ABCC3: variants seen among roughly 807,000 people sequenced by gnomAD.
The protein encoded by ABCC3 is ATP binding cassette subfamily C member 3, also known as ATP-binding cassette sub-family C member 3.
Under a neutral mutation model 165.3 loss-of-function variants are expected in ABCC3, and 121 were observed. The observed-to-expected ratio is 0.73, with a 90% CI of 0.63 to 0.85. The LOEUF (loss-of-function observed/expected upper bound fraction) is 0.85, where lower values mean the gene tolerates loss of function less well. Among genes scored for constraint, ABCC3 ranks in the 40% least tolerant of loss-of-function variants. ABCC3 has a pLI of 0.00. For missense variants in ABCC3, 1,869 were observed against 1,964.1 expected, an observed-to-expected ratio of 0.95 and a Z score of 0.92; for synonymous variants, 733 against 810.1, an observed-to-expected ratio of 0.90 and a Z score of 1.62.
At chr17:50,672,896 C>T (rs1269754970) in intron 17 of ABCC3, 75 bp from the exon 18 acceptor site, 4 of 1,412,978 alleles carry the variant, frequency 2.8e-6, no homozygotes, top group Non-Finnish European at 3.8e-6. Flanking sequence ...TCTGCCATCC[C>T]AAATAACAGT....
intron 1 of ABCC3, among the ~76,000 whole-genome samples, chr17:50,651,709 G>C (rs571929928): frequency 6.6e-6 from 1 of 152,318 alleles, no homozygotes; most frequent in East Asian, 1.9e-4. Flanking sequence ...GTAGGCGATA[G>C]AGACCCTATT....
At chr17:50,668,639 G>T in intron 14 of ABCC3, 122 bp downstream of exon 14, 1 of 841,550 alleles carries the variant, frequency 1.2e-6, no homozygotes, top group South Asian at 1.6e-5. Flanking sequence ...CATCTGCTTC[G>T]ACTCTGACCT....
At chr17:50,680,486 C>T (rs74426525) in intron 26 of ABCC3, among the ~76,000 whole-genome samples, 5,080 of 152,234 alleles carry the variant, frequency 0.033, 300 homozygotes, top group African/African-American at 0.12. Context: ...GTCAAGCATC[C>T]CATCTTTGGC....
At position 50,639,818 on chromosome 17, in the gene ABCC3, C is replaced by T. The variant is rs530160845; in HGVS notation, c.45+4837C>T. On this transcript the variant is annotated intron_variant, in intron 1 of 30. Coordinates refer to ENST00000285238, the MANE Select transcript of ABCC3 (RefSeq NM_003786.4). ...TTGCTCTGTCGCCCAGGCTGAAGTGCAGTAGCACAATCTCAACTCACTGCA... is the reference window on the plus strand; with the variant it reads ...TTGCTCTGTCGCCCAGGCTGAAGTGTAGTAGCACAATCTCAACTCACTGCA... 4.0e-5 allele frequency among the ~76,000 whole-genome samples: 6 copies of T among 151,192 alleles called. No individual in the cohort carries two copies. In the East Asian group the frequency reaches 1.2e-3, roughly 29 times the overall value.
chr17:50,643,341 A>G (rs920854794), intron 1 of ABCC3, among the ~76,000 whole-genome samples: 2 of 152,266 alleles, frequency 1.3e-5, no homozygotes, highest in Non-Finnish European at 2.9e-5. Flanking sequence ...ACTCAGCAAG[A>G]GTATGTGGGT....
At chr17:50,654,398 C>T (rs193237673) in intron 1 of ABCC3, among the ~76,000 whole-genome samples, 22 of 152,282 alleles carry the variant, frequency 1.4e-4, no homozygotes, top group African/African-American at 5.3e-4. Flanking sequence ...TCCCCCATCC[C>T]TTTCCAAAAA....
chr17:50,637,416 G>T (rs1343509852), intron 1 of ABCC3, among the ~76,000 whole-genome samples: 1 of 152,220 alleles, frequency 6.6e-6, no homozygotes, highest in African/African-American at 2.4e-5. Context: ...GTTCATTTGT[G>T]ATGTGCTGTG....
intron 26 of ABCC3, among the ~76,000 whole-genome samples, chr17:50,682,804 G>C (rs752337067): frequency 6.6e-6 from 1 of 152,096 alleles, no homozygotes; most frequent in Non-Finnish European, 1.5e-5. Flanking sequence ...GTTTCAATGG[G>C]GTACCATTGT....
Position 50,656,026 on chromosome 17 carries a change from C to T in ABCC3, c.222+18C>T. On this transcript the variant is annotated intron_variant, in intron 2 of 30. Transcript: ENST00000285238. ...TCAAGATGGTCAGTGGCTCAGGGAT[C>T]TCCTACCGATGGGGCTGGGCCCTGG... 1 of 1,609,090 alleles carries T rather than the reference C, an allele frequency of 6.2e-7. No homozygotes were observed. Among genetic ancestry groups the T allele is most frequent in the Non-Finnish European group, 8.5e-7 (1 of 1,176,562 alleles).
intron 1 of ABCC3, chr17:50,635,680 T>C: frequency 1.5e-6 from 1 of 682,134 alleles, no homozygotes; most frequent in East Asian, 2.7e-5. Context: ...AGGAAGGGAC[T>C]TGCCCAAAGT....
At position 50,675,435 on chromosome 17, in the gene ABCC3, C is replaced by A. The variant is rs775202118; in HGVS notation, c.2673C>A (p.Asp891Glu). The change falls in exon 20 of 31, where the codon GAC (aspartate) becomes GAA (glutamate). Residue 891 changes from aspartate to glutamate, a missense_variant. Transcript: ENST00000285238. ...DTLSNHTDLT[D>E]NDPVTYVVQK... ...TCAGCAACCACACGGATCTGACAGA[C>A]AATGATCCAGTCACCTATGTGGTCC... 28 of 1,613,976 alleles carry A rather than the reference C, an allele frequency of 1.7e-5. No homozygotes were observed. In the South Asian group the frequency reaches 2.9e-4, roughly 16 times the overall value.
chr17:50,654,114 A>G (rs1400601047), intron 1 of ABCC3, among the ~76,000 whole-genome samples: 1 of 152,264 alleles, frequency 6.6e-6, no homozygotes, highest in Non-Finnish European at 1.5e-5. Flanking sequence ...CAAGAAACAG[A>G]AAAAAGAAAA....
intron 8 of ABCC3, among the ~76,000 whole-genome samples, chr17:50,661,680 CT>C (rs1467684416): frequency 6.6e-6 from 1 of 152,190 alleles, no homozygotes; most frequent in Non-Finnish European, 1.5e-5. Context: ...TTTATTGAAC[CT>C]CCAGGGTACC....
At position 50,687,598 on chromosome 17, in the gene ABCC3, T is replaced by G; in HGVS notation, c.4343T>G (p.Val1448Gly). The G allele has an allele frequency of 1.2e-6, 2 of 1,614,172 alleles. No homozygotes were observed. Among genetic ancestry groups the G allele is most frequent in the Non-Finnish European group, 1.7e-6 (2 of 1,180,046 alleles). ...CTGCTCCGCAAGAGCCGCATCCTGG[T>G]TTTAGACGAGGCCACAGCTGCCATC... ...RALLRKSRILVLDEATAAIDL... is the reference protein window; with the variant it reads ...RALLRKSRILGLDEATAAIDL... The change falls in exon 30 of 31, where the codon GTT becomes GGT. Residue 1448 changes from valine (V) to glycine (G), a missense_variant. By Grantham distance (109) the Val-to-Gly change is moderately radical. Coordinates refer to ENST00000285238, the MANE Select transcript of ABCC3 (RefSeq NM_003786.4).
intron 1 of ABCC3, among the ~76,000 whole-genome samples, chr17:50,654,702 G>A (rs559981869): frequency 4.6e-5 from 7 of 152,146 alleles, no homozygotes; most frequent in Non-Finnish European, 1.0e-4. Flanking sequence ...AAGGCTCAGG[G>A]AATCTCCCTA....
chr17:50,640,255 A>G (rs1318147550), intron 1 of ABCC3, among the ~76,000 whole-genome samples: 2 of 152,230 alleles, frequency 1.3e-5, no homozygotes, highest in Non-Finnish European at 2.9e-5. Flanking sequence ...AGGGTGGGAC[A>G]TCATGCCGGA....
intron 1 of ABCC3, among the ~76,000 whole-genome samples, chr17:50,654,937 C>A (rs919244584): frequency 4.8e-4 from 64 of 134,222 alleles, no homozygotes; most frequent in African/African-American, 1.2e-3. Context: ...ATTAAAAATA[C>A]AAAAAAAAAA....
chr17:50,658,615 C>T (rs189480913), intron 6 of ABCC3, 119 bp downstream of exon 6: 22 of 1,102,862 alleles, frequency 2.0e-5, no homozygotes, highest in Admixed American at 5.3e-5. Flanking sequence ...CACCCCCCAC[C>T]GCAGTGGGCA....
At position 50,676,402 on chromosome 17, in the gene ABCC3, A is replaced by G; in HGVS notation, c.3192A>G (p.Pro1064=). 2.5e-6 allele frequency: 4 copies of G among 1,614,130 alleles called. No individual in the cohort carries two copies. Among genetic ancestry groups the G allele is most frequent in the Non-Finnish European group, 3.4e-6 (4 of 1,180,022 alleles). The part of the protein sequence containing the change: ...RSPQSFFDTT[P]SGRILNCFSK... ...CACAGTCCTTCTTTGACACCACACCATCAGGCCGCATCCTGAACTGCTTCT... is the reference window on the plus strand; with the variant it reads ...CACAGTCCTTCTTTGACACCACACCGTCAGGCCGCATCCTGAACTGCTTCT... Residue 1064 remains proline (P), a synonymous_variant, in exon 23 of 31, where the codon CCA becomes CCG. Coordinates refer to ENST00000285238, the MANE Select transcript of ABCC3 (RefSeq NM_003786.4).
Sources: allele counts gnomAD v4.1 joint callset (sites outside exome capture counted in the v4.1 genomes callset), GRCh38; gene constraint gnomAD v4.1.1; transcripts MANE v1.5; gene names NCBI Gene and HGNC (gene_info 2026-07-23, HGNC 2026-07-21).